NFE2: variants seen among roughly 807,000 people sequenced by gnomAD.
NFE2 encodes the protein nuclear factor, erythroid 2, also known as transcription factor NF-E2 45 kDa subunit.
NFE2 carries 13 observed loss-of-function variants against 25.8 expected under a neutral mutation model. The observed-to-expected ratio is 0.50, with a 90% CI of 0.33 to 0.80. The LOEUF (loss-of-function observed/expected upper bound fraction) is 0.80. Ranked by LOEUF, NFE2 falls within the 30% of genes least tolerant of loss-of-function variation. NFE2 has a pLI of 0.02. For missense variants in NFE2, 382 were observed against 478.9 expected (o/e 0.80, Z 1.89); for synonymous variants, 204 against 200.2 (o/e 1.02, Z -0.16).
rs775647797 is a variant in NFE2 at position 54,292,722 on chromosome 12, C to A, written c.774G>T (p.Pro258=). 57 of 1,614,100 alleles carry A rather than the reference C, an allele frequency of 3.5e-5. No individual in the cohort carries two copies. The highest frequency in any genetic ancestry group is 4.8e-5 in the Non-Finnish European group (57 of 1,180,054). The change falls in exon 3 of 3, where the codon CCG becomes CCT. Residue 258 remains proline (P), a synonymous_variant. Transcript: ENST00000435572. ...CTAGCGCTAGCTGGCTCTCTGTCAG[C>A]GGGTACCTTGCCAATAGCTCATTAA... ...DDFNELLARY[P]LTESQLALVR... is the part of the protein sequence containing the mutation.
At chr12:54,299,591 A>G (rs1791814939) in intron 1 of NFE2, among the ~76,000 whole-genome samples, 1 of 152,218 alleles carries the variant, frequency 6.6e-6, no homozygotes, top group African/African-American at 2.4e-5. Context: ...TCCTACCCAG[A>G]AAGATTTTTA....
rs139796996 is a variant in NFE2 at position 54,292,840 on chromosome 12, C to A, written c.656G>T (p.Arg219Leu). ...SGPVRAKPTA[R>L]GEAGSRDERR... ...TTCATCCCGACTCCCTGCCTCCCCC[C>A]GTGCAGTGGGCTTAGCCCGCACAGG... The change falls in exon 3 of 3, where the codon CGG becomes CTG. Residue 219 changes from arginine to leucine, a missense_variant. By Grantham distance (102) the Arg-to-Leu change is moderately radical. Coordinates refer to ENST00000435572, the MANE Select transcript of NFE2 (RefSeq NM_001136023.3). 10 of 1,614,212 alleles carry A rather than the reference C, an allele frequency of 6.2e-6. No individual in the cohort carries two copies. The highest frequency in any genetic ancestry group is 2.2e-5 in the East Asian group (1 of 44,878).
chr12:54,298,162 G>A (rs1198783971), intron 1 of NFE2, among the ~76,000 whole-genome samples: 1 of 152,102 alleles, frequency 6.6e-6, no homozygotes, highest in African/African-American at 2.4e-5. Context: ...CTAAGGTGCA[G>A]TACAAAGATC....
chr12:54,298,189 G>C (rs1485762775), intron 1 of NFE2, among the ~76,000 whole-genome samples: 1 of 152,096 alleles, frequency 6.6e-6, no homozygotes, highest in East Asian at 1.9e-4. Context: ...TAGGAGGCCA[G>C]AGACCTAGGT....
At chr12:54,299,610 C>G (rs761485841) in intron 1 of NFE2, among the ~76,000 whole-genome samples, 1 of 152,026 alleles carries the variant, frequency 6.6e-6, no homozygotes, top group African/African-American at 2.4e-5. Context: ...TATCATAATC[C>G]CTAAGTACTC....
At position 54,292,537 on chromosome 12, in the gene NFE2, T is replaced by C. The variant is rs370451600; in HGVS notation, c.959A>G (p.Glu320Gly). The C allele has an allele frequency of 6.2e-7, 1 of 1,614,160 alleles. No homozygotes were observed. The highest frequency in any genetic ancestry group is 8.5e-7 in the Non-Finnish European group (1 of 1,180,016). ...CTCTGTCAGCTGTTGGCGCATGACC[T>C]CCAGGGTCCGGTCTGCCTCCCCGCG... The part of the protein sequence containing the change: ...RARGEADRTL[E>G]VMRQQLTELY... The change falls in exon 3 of 3, where the codon GAG becomes GGG. Residue 320 changes from glutamate (E) to glycine (G), a missense_variant. Coordinates refer to ENST00000435572, the MANE Select transcript of NFE2 (RefSeq NM_001136023.3).
chr12:54,297,099 A>C (rs2137059340), intron 1 of NFE2, among the ~76,000 whole-genome samples: 1 of 152,158 alleles, frequency 6.6e-6, no homozygotes, highest in East Asian at 1.9e-4. Flanking sequence ...AACATGGGAG[A>C]GGGGAAGCAC....
intron 2 of NFE2, 26 bp downstream of exon 2, chr12:54,295,109 C>A (rs774517721): frequency 6.3e-7 from 1 of 1,594,008 alleles, no homozygotes; most frequent in Admixed American, 1.7e-5. Context: ...CACACGGCCT[C>A]CCCTGCCCTA....
At chr12:54,296,376 C>G (rs1329096558) in intron 1 of NFE2, among the ~76,000 whole-genome samples, 1 of 144,524 alleles carries the variant, frequency 6.9e-6, no homozygotes, top group Non-Finnish European at 1.5e-5. Flanking sequence ...CGCCACTGCA[C>G]TCCAGCCTGG....
At chr12:54,296,535 C>T (rs1007764760) in intron 1 of NFE2, among the ~76,000 whole-genome samples, 1 of 151,938 alleles carries the variant, frequency 6.6e-6, no homozygotes, top group Non-Finnish European at 1.5e-5. Flanking sequence ...ACTATAATGT[C>T]TTCTAGGCAC....
Position 54,293,205 on chromosome 12 carries a change from G to T in NFE2, c.291C>A (p.Tyr97Ter). 1 of 1,599,560 alleles carries T rather than the reference G, an allele frequency of 6.3e-7. No homozygotes were observed. ...ASTSHVPDPPYSYGNMAIPVS... is the reference protein window; with the variant it reads ...ASTSHVPDPP ...CTGGTATGGCCATGTTGCCATAGGAGTATGGGGGATCTGGGACATGGGATG... is the reference window on the plus strand; with the variant it reads ...CTGGTATGGCCATGTTGCCATAGGATTATGGGGGATCTGGGACATGGGATG... Residue 97 changes from tyrosine (Y) to a stop codon, truncating the protein, a stop_gained, in exon 3 of 3, where the codon TAC becomes TAA. Transcript: ENST00000435572. LOFTEE classifies it high-confidence loss of function.
At chr12:54,298,541 C>T (rs867183814) in intron 1 of NFE2, among the ~76,000 whole-genome samples, 1 of 150,836 alleles carries the variant, frequency 6.6e-6, no homozygotes, top group Non-Finnish European at 1.5e-5. Context: ...GATACATGAC[C>T]GTGGGCAAAT....
chr12:54,295,580 T>C (rs1259939720), intron 1 of NFE2: 2 of 231,282 alleles, frequency 8.6e-6, no homozygotes, highest in Admixed American at 5.2e-5. Context: ...TTTTCCCTAA[T>C]ACTTTTTACT....
chr12:54,293,107 C>G lies in NFE2; in HGVS notation c.389G>C (p.Gly130Ala), dbSNP rs1246260023. The G allele has an allele frequency of 6.6e-7, 1 of 1,523,714 alleles. No individual in the cohort carries two copies. Among genetic ancestry groups the G allele is most frequent in the East Asian group, 2.3e-5 (1 of 44,130 alleles). 94.4% of individuals were successfully genotyped at this position (1,523,714 alleles called of 1,614,324 possible). A position where few individuals can be genotyped will look rare whatever the true frequency, so the allele number is the denominator to read the frequency against. Residue 130 changes from glycine (G) to alanine (A), a missense_variant, in exon 3 of 3, where the codon GGG (glycine) becomes GCG (alanine). Physicochemically the swap from Gly to Ala is moderately conservative, Grantham distance 60 (BLOSUM62 0). Coordinates refer to ENST00000435572, the MANE Select transcript of NFE2 (RefSeq NM_001136023.3). ...GGGCTTAGGTGGCCCTGCTGGCAGC[C>G]CAATGTCCAGGAGGGCTAAGGGGTC... Reference protein sequence around the residue: ...LQDPLALLDIGLPAGPPKPQE... With the variant: ...LQDPLALLDIALPAGPPKPQE...
chr12:54,298,630 T>C (rs1430092366), intron 1 of NFE2, among the ~76,000 whole-genome samples: 1 of 151,940 alleles, frequency 6.6e-6, no homozygotes, highest in East Asian at 1.9e-4. Context: ...AGGTTGCATC[T>C]AGCTCAGGGA....
Position 54,295,199 on chromosome 12 carries a change from G to A in NFE2, c.50C>T (p.Ser17Phe). Reference sequence around the variant, plus strand: ...TTCCATCTCTCCTAGCTCTGAAGTGGACAGCTGTATCACCCTGTTCCTGCT... The same window carrying A: ...TTCCATCTCTCCTAGCTCTGAAGTGAACAGCTGTATCACCCTGTTCCTGCT... The part of the protein sequence containing the change: ...QQSRNRVIQL[S>F]TSELGEMELT... The change falls in exon 2 of 3, where the codon TCC becomes TTC. Residue 17 changes from serine (S) to phenylalanine (F), a missense_variant. Transcript: ENST00000435572. 6.2e-7 allele frequency: 1 copy of A among 1,614,138 alleles called. No individual in the cohort carries two copies. Among genetic ancestry groups the A allele is most frequent in the Non-Finnish European group, 8.5e-7 (1 of 1,180,014 alleles).
Position 54,292,153 on chromosome 12 carries a change from A to G in NFE2, c.*221T>C. The G allele has an allele frequency of 8.8e-6, 5 of 567,796 alleles. 1 individual carries two copies. In the South Asian group the frequency reaches 1.2e-4, roughly 14 times the overall value. 35.2% of individuals were successfully genotyped at this position (567,796 alleles called of 1,614,324 possible). A position where few individuals can be genotyped will look rare whatever the true frequency, so the allele number is the denominator to read the frequency against. On this transcript the variant is annotated 3_prime_UTR_variant, in exon 3 of 3. Transcript: ENST00000435572. ...ATAGACCAAAGCTTAGACAAGGTGG[A>G]GGCTAAAGACCTGAGGAGCCGAGTC...
At chr12:54,294,572 A>C (rs1944352225) in intron 2 of NFE2, among the ~76,000 whole-genome samples, 2 of 152,134 alleles carry the variant, frequency 1.3e-5, no homozygotes, top group South Asian at 4.1e-4. Flanking sequence ...AGAAGTAGAG[A>C]ACATGCTAGA....
At chr12:54,293,943 T>C (rs1001312384) in intron 2 of NFE2, among the ~76,000 whole-genome samples, 23 of 151,534 alleles carry the variant, frequency 1.5e-4, no homozygotes, top group African/African-American at 5.6e-4. Flanking sequence ...AATTATGAAC[T>C]CTCCTTGGAG....
Sources: gnomAD v4.1 joint callset for allele counts (sites outside exome capture counted in the v4.1 genomes callset) on GRCh38, gnomAD v4.1.1 for gene constraint, MANE v1.5 for transcripts, NCBI Gene and HGNC (gene_info 2026-07-23, HGNC 2026-07-21) for gene names.